Variants in PTPRD observed in about 807,000 individuals in gnomAD.
PTPRD encodes protein tyrosine phosphatase receptor type D, also known as receptor-type tyrosine-protein phosphatase delta.
Under a neutral mutation model 214.5 loss-of-function variants are expected in PTPRD, and 34 were observed. The ratio of observed to expected loss-of-function variants is 0.16; its 90% CI spans 0.12 to 0.21. PTPRD has a LOEUF of 0.21. Ranked by LOEUF, PTPRD falls within the 10% of genes least tolerant of loss-of-function variation. The pLI is 1.00. For missense variants in PTPRD, 2,545 were observed against 2,398.7 expected (o/e 1.06, Z -1.27); for synonymous variants, 1,128 against 845.7 (o/e 1.33, Z -5.79).
chr9:9,305,229 C>A (rs1354167477), intron 9 of PTPRD, among the ~76,000 whole-genome samples: 3 of 151,758 alleles, frequency 2.0e-5, no homozygotes, highest in African/African-American at 7.3e-5. Context: ...GCTGCAGTTT[C>A]ATTTTCTATT....
At chr9:8,846,401 T>C (rs1184683499) in intron 11 of PTPRD, among the ~76,000 whole-genome samples, 2 of 152,156 alleles carry the variant, frequency 1.3e-5, no homozygotes, top group Non-Finnish European at 2.9e-5. Flanking sequence ...GAATAAGACA[T>C]GGACATTGGC....
intron 3 of PTPRD, among the ~76,000 whole-genome samples, chr9:10,039,821 A>G (rs149597842): frequency 4.5e-4 from 68 of 152,228 alleles, no homozygotes; most frequent in African/African-American, 1.5e-3. Flanking sequence ...TAGAGAGGAC[A>G]AAATTTAAAG....
At chr9:9,511,418 T>A (rs1355611542) in intron 8 of PTPRD, among the ~76,000 whole-genome samples, 1 of 151,714 alleles carries the variant, frequency 6.6e-6, no homozygotes, top group African/African-American at 2.4e-5. Flanking sequence ...TTTTCAGCTG[T>A]CAAATGGCAA....
At chr9:9,644,971 C>A (rs372762069) in intron 7 of PTPRD, among the ~76,000 whole-genome samples, 158 of 152,336 alleles carry the variant, frequency 1.0e-3, no homozygotes, top group African/African-American at 3.7e-3. Context: ...CACACAAGAA[C>A]CTGGTTACCA....
intron 7 of PTPRD, among the ~76,000 whole-genome samples, chr9:9,610,711 G>A (rs1317906894): frequency 6.6e-6 from 1 of 152,100 alleles, no homozygotes; most frequent in Non-Finnish European, 1.5e-5. Context: ...ATTTTAACTA[G>A]TATAATTATT....
At chr9:8,946,320 A>G (rs1334259423) in intron 11 of PTPRD, among the ~76,000 whole-genome samples, 1 of 151,968 alleles carries the variant, frequency 6.6e-6, no homozygotes, top group East Asian at 1.9e-4. Context: ...TAAAACGGAG[A>G]CCACCCCCCC....
chr9:8,400,339 G>C (rs2092163739), intron 36 of PTPRD, among the ~76,000 whole-genome samples: 1 of 152,130 alleles, frequency 6.6e-6, no homozygotes, highest in African/African-American at 2.4e-5. Flanking sequence ...AAGGTAAGCA[G>C]ATCACCTGTA....
At chr9:8,818,135 T>G (rs1163210528) in intron 11 of PTPRD, among the ~76,000 whole-genome samples, 2 of 152,224 alleles carry the variant, frequency 1.3e-5, no homozygotes, top group African/African-American at 4.8e-5. Flanking sequence ...ATTATCCATT[T>G]TAATTTCTAG....
At chr9:8,677,858 T>G (rs1447557811) in intron 12 of PTPRD, among the ~76,000 whole-genome samples, 1 of 152,078 alleles carries the variant, frequency 6.6e-6, no homozygotes, top group Non-Finnish European at 1.5e-5. Context: ...CACATTTATT[T>G]AGTTCTAAGA....
chr9:9,895,063 T>C (rs1298107035), intron 5 of PTPRD, among the ~76,000 whole-genome samples: 2 of 152,050 alleles, frequency 1.3e-5, no homozygotes, highest in Non-Finnish European at 2.9e-5. Flanking sequence ...TACATATTTC[T>C]AAATTTCTTC....
intron 39 of PTPRD, among the ~76,000 whole-genome samples, chr9:8,374,641 T>C (rs1338407788): frequency 6.6e-6 from 1 of 151,980 alleles, no homozygotes; most frequent in Non-Finnish European, 1.5e-5. Context: ...TGACACGACA[T>C]AATTCTCTTA....
chr9:10,179,941 G>A (rs1345783913), intron 3 of PTPRD, among the ~76,000 whole-genome samples: 3 of 151,880 alleles, frequency 2.0e-5, no homozygotes, highest in African/African-American at 4.8e-5. Flanking sequence ...TTCATTGAAA[G>A]GAAGTCTTAA....
At chr9:8,840,859 G>C (rs149019949) in intron 11 of PTPRD, among the ~76,000 whole-genome samples, 114 of 152,156 alleles carry the variant, frequency 7.5e-4, no homozygotes, top group Admixed American at 2.0e-3. Flanking sequence ...CTACAATACT[G>C]TACTGGCTCT....
chr9:10,074,701 T>G (rs748590578), intron 3 of PTPRD, among the ~76,000 whole-genome samples: 6 of 152,048 alleles, frequency 3.9e-5, no homozygotes, highest in Non-Finnish European at 7.4e-5. Context: ...GAGGAAAGAG[T>G]GGGCTCCTGT....
intron 14 of PTPRD, among the ~76,000 whole-genome samples, chr9:8,544,468 T>C (rs1239473325): frequency 1.5e-5 from 1 of 68,422 alleles, no homozygotes; most frequent in Non-Finnish European, 2.9e-5. Flanking sequence ...AAAAAATAAC[T>C]TTTTTTTTTT....
rs998059764 is a variant in PTPRD at position 10,483,502 on chromosome 9, G to GA, written c.-600+128895dup. On this transcript the variant is annotated intron_variant, in intron 2 of 45. Transcript: ENST00000381196. Reference sequence around the variant, plus strand: ...AGGGTAAAGAGAGAATCTACAGAATGAAAAAAAAAATTGTCAACTCTGCAC... The same window carrying GA: ...AGGGTAAAGAGAGAATCTACAGAATGAAAAAAAAAAATTGTCAACTCTGCAC... Among the ~76,000 whole-genome samples, 27 of 148,664 alleles carry GA rather than the reference G, an allele frequency of 1.8e-4. 1 individual carries two copies. Among genetic ancestry groups the GA allele is most frequent in the African/African-American group, 4.2e-4 (17 of 40,642 alleles).
intron 2 of PTPRD, among the ~76,000 whole-genome samples, chr9:10,496,052 G>C (rs1210486617): frequency 6.6e-6 from 1 of 151,564 alleles, no homozygotes; most frequent in Non-Finnish European, 1.5e-5. Context: ...TATTAATCTA[G>C]AGTAACTGCC....
intron 11 of PTPRD, among the ~76,000 whole-genome samples, chr9:8,882,720 AC>A (rs1451767427): frequency 2.6e-5 from 4 of 151,936 alleles, no homozygotes; most frequent in Non-Finnish European, 5.9e-5. Context: ...CCCCGCCTCT[AC>A]TAAAAATATA....
At chr9:9,193,921 A>G (rs757929451) in intron 9 of PTPRD, among the ~76,000 whole-genome samples, 1 of 152,172 alleles carries the variant, frequency 6.6e-6, no homozygotes, top group Non-Finnish European at 1.5e-5. Context: ...TTTCTACTTT[A>G]TAAACTTTTT....
Sources: allele counts gnomAD v4.1 joint callset (sites outside exome capture counted in the v4.1 genomes callset), GRCh38; gene constraint gnomAD v4.1.1; transcripts MANE v1.5; gene names NCBI Gene and HGNC (gene_info 2026-07-23, HGNC 2026-07-21).